Variants in SYT17 observed in about 807,000 individuals in gnomAD.
SYT17 encodes the protein synaptotagmin-17.
SYT17 carries 22 observed loss-of-function variants against 46.7 expected under a neutral mutation model. The observed-to-expected ratio is 0.47, with a 90% CI of 0.34 to 0.67. The LOEUF is 0.67. Ranked by LOEUF, SYT17 falls within the 30% of genes least tolerant of loss-of-function variation. The pLI is 0.01. For missense variants in SYT17, 519 were observed against 612.8 expected, an observed-to-expected ratio of 0.85 and a Z score of 1.62; for synonymous variants, 251 against 248.4, an observed-to-expected ratio of 1.01 and a Z score of -0.10.
At chr16:19,236,792 G>T (rs1245640839) in intron 7 of SYT17, among the ~76,000 whole-genome samples, 1 of 152,206 alleles carries the variant, frequency 6.6e-6, no homozygotes, top group Non-Finnish European at 1.5e-5. Flanking sequence ...AGCCAGAGAA[G>T]CTTGTCACGC....
rs1212351815 is a variant in SYT17, at chr16:19,199,268, G to A, written c.951+15121G>A. Among the ~76,000 whole-genome samples the A allele has an allele frequency of 2.0e-5, 3 of 151,308 alleles. No individual in the cohort carries two copies. In the East Asian group the frequency reaches 5.9e-4, roughly 30 times the overall value. On this transcript the variant is annotated intron_variant, in intron 5 of 7. Coordinates refer to ENST00000355377, the MANE Select transcript of SYT17 (RefSeq NM_016524.4). The stretch of plus-strand genomic sequence containing the variant: ...CTGCAGACTCACTCAAGCCTGTGAG[G>A]TATGGTGACCCTCCTTCATTCTACA...
In SYT17 at chr16:19,173,548, G is replaced by A. The variant is rs1354367768; in HGVS notation, c.152G>A (p.Gly51Glu). Residue 51 changes from glycine to glutamate, a missense_variant, in exon 3 of 8, where the codon GGA (glycine) becomes GAA (glutamate). By Grantham distance (98) the Gly-to-Glu change is moderately conservative. Coordinates refer to ENST00000355377, the MANE Select transcript of SYT17 (RefSeq NM_016524.4). ...AGTGAGGATGAAGTTGAAATTCTGG[G>A]ACCTTTCCCTGCTCAGACCCCTCCC... The part of the protein sequence containing the change: ...QSSEDEVEIL[G>E]PFPAQTPPWL... 3.1e-6 allele frequency: 5 copies of A among 1,613,924 alleles called. No homozygotes were observed. The highest frequency in any genetic ancestry group is 4.2e-6 in the Non-Finnish European group (5 of 1,180,026).
intron 7 of SYT17, among the ~76,000 whole-genome samples, chr16:19,265,866 T>A (rs1969320753): frequency 6.6e-6 from 1 of 152,202 alleles, no homozygotes; most frequent in South Asian, 2.1e-4. Context: ...CAAAGAGACA[T>A]GCAGCACAAC....
rs538413998 is a variant in SYT17 at position 19,205,433 on chromosome 16, C to T, written c.952-17612C>T. On this transcript the variant is annotated intron_variant, in intron 5 of 7. Transcript: ENST00000355377. Reference sequence around the variant, plus strand: ...AGGTTACCATCTCAGAGAGGCCTTCCTTGACTTTTTTTTTTTTTTCTTTTG... The same window carrying T: ...AGGTTACCATCTCAGAGAGGCCTTCTTTGACTTTTTTTTTTTTTTCTTTTG... Among the ~76,000 whole-genome samples the T allele has an allele frequency of 8.1e-5, 11 of 135,824 alleles. No homozygotes were observed. In the East Asian group the frequency reaches 1.8e-3, roughly 23 times the overall value. 89.1% of individuals were successfully genotyped at this position (135,824 alleles called of 152,430 possible). A position where few individuals can be genotyped will look rare whatever the true frequency, so the allele number is the denominator to read the frequency against.
At chr16:19,206,407 G>A (rs1965673520) in intron 5 of SYT17, among the ~76,000 whole-genome samples, 1 of 152,164 alleles carries the variant, frequency 6.6e-6, no homozygotes. Flanking sequence ...GCATGGCTGA[G>A]GTCACACACT....
intron 7 of SYT17, chr16:19,250,120 T>C (rs534007781): frequency 6.9e-7 from 1 of 1,456,762 alleles, no homozygotes; most frequent in East Asian, 2.6e-5. Flanking sequence ...AAGGCTTTGG[T>C]TTAACATTTT....
Position 19,180,588 on chromosome 16 carries a change from G to GT in SYT17, c.331+49_331+50insT. ...CTGGGGGCCCTGGCTGGCTTTCCCA[G>GT]ACACTCTCCCACGGAGAGTCATGAA... On this transcript the variant is annotated intron_variant, in intron 4 of 7. Transcript: ENST00000355377. The GT allele has an allele frequency of 3.1e-6, 5 of 1,609,418 alleles. No individual in the cohort carries two copies. In the South Asian group the frequency reaches 5.5e-5, roughly 18 times the overall value.
chr16:19,180,152 C>A, intron 3 of SYT17: 1 of 480,674 alleles, frequency 2.1e-6, no homozygotes, highest in Non-Finnish European at 3.8e-6. Flanking sequence ...TGAAATTATG[C>A]AAGTTCTTGA....
At chr16:19,180,154 A>C in intron 3 of SYT17, 1 of 485,382 alleles carries the variant, frequency 2.1e-6, no homozygotes, top group Non-Finnish European at 3.7e-6. Flanking sequence ...AAATTATGCA[A>C]GTTCTTGACA....
intron 5 of SYT17, among the ~76,000 whole-genome samples, chr16:19,195,932 C>T (rs1226377666): frequency 6.6e-6 from 1 of 152,068 alleles, no homozygotes; most frequent in Non-Finnish European, 1.5e-5. Context: ...CTGCTGTGAG[C>T]TATGATGGCA....
intron 5 of SYT17, among the ~76,000 whole-genome samples, chr16:19,186,987 G>A (rs1036096309): frequency 2.7e-4 from 41 of 152,024 alleles, no homozygotes; most frequent in African/African-American, 8.9e-4. Context: ...TGCTGCATGC[G>A]GTAATAAATG....
intron 5 of SYT17, among the ~76,000 whole-genome samples, chr16:19,196,360 A>G (rs1216305492): frequency 6.6e-6 from 1 of 151,654 alleles, no homozygotes; most frequent in African/African-American, 2.4e-5. Flanking sequence ...CTCCTGCCTC[A>G]GCCTCCTGAG....
At chr16:19,177,352 A>G (rs982801041) in intron 3 of SYT17, among the ~76,000 whole-genome samples, 2 of 152,182 alleles carry the variant, frequency 1.3e-5, no homozygotes, top group Non-Finnish European at 2.9e-5. Context: ...GCTTCCCAGG[A>G]TGAATGAGGT....
chr16:19,262,250 T>C (rs1313182422), intron 7 of SYT17, among the ~76,000 whole-genome samples: 1 of 152,226 alleles, frequency 6.6e-6, no homozygotes, highest in Non-Finnish European at 1.5e-5. Flanking sequence ...GGGAGGTGAT[T>C]AGACCATGAA....
At chr16:19,220,299 C>CTTTTTTTTTTT (rs1555459730) in intron 5 of SYT17, among the ~76,000 whole-genome samples, 1 of 36,364 alleles carries the variant, frequency 2.7e-5, no homozygotes, top group African/African-American at 1.4e-4. Flanking sequence ...TTCTTTCTTT[C>CTTTTTTTTTTT]TTTCTTTTTT....
chr16:19,187,323 C>T (rs745709574), intron 5 of SYT17, among the ~76,000 whole-genome samples: 21 of 152,276 alleles, frequency 1.4e-4, no homozygotes, highest in Admixed American at 9.2e-4. Context: ...GGATTATTGG[C>T]ATGAGCTACT....
At chr16:19,182,480 C>G (rs768166143) in intron 4 of SYT17, among the ~76,000 whole-genome samples, 1 of 152,158 alleles carries the variant, frequency 6.6e-6, no homozygotes, top group Non-Finnish European at 1.5e-5. Context: ...TCGTGGCTGC[C>G]AGAACATTTT....
chr16:19,171,316 GA>G (rs1964079663), intron 1 of SYT17: 1 of 83,624 alleles, frequency 1.2e-5, no homozygotes, highest in Admixed American at 9.7e-5. Flanking sequence ...TGATGATGAT[GA>G]TGATGATGAT....
rs576342786 is a variant in SYT17, at chr16:19,168,472, G to C, written c.-175G>C. ...CCGGAACGCAGGGAAAGGCAAGGAC[G>C]GGGCGGCCGGCGGAGGGGCGGGCGC... On this transcript the variant is annotated 5_prime_UTR_variant, in exon 1 of 8. Coordinates refer to ENST00000355377, the MANE Select transcript of SYT17 (RefSeq NM_016524.4). This position sits in a 1 kb window ranked among gnomAD's most constrained non-coding sequence, Gnocchi z 6.9. The C allele has an allele frequency of 1.4e-5, 12 of 832,702 alleles. No homozygotes were observed. The highest frequency in any genetic ancestry group is 8.5e-5 in the South Asian group (5 of 59,098). 51.6% of individuals were successfully genotyped at this position (832,702 alleles called of 1,614,324 possible).
Sources: allele counts gnomAD v4.1 joint callset (sites outside exome capture counted in the v4.1 genomes callset), GRCh38; gene constraint gnomAD v4.1.1; non-coding constraint Gnocchi (gnomAD v3.1); transcripts MANE v1.5; gene names NCBI Gene and HGNC (gene_info 2026-07-23, HGNC 2026-07-21).